The following IQCJ variants were observed in gnomAD, a reference collection of about 807,000 sequenced individuals.
The protein encoded by IQCJ is IQ motif containing J.
Under a neutral mutation model 11.0 loss-of-function variants are expected in IQCJ, and 9 were observed. The ratio of observed to expected loss-of-function variants is 0.82; its 90% CI spans 0.49 to 1.43. IQCJ has a LOEUF of 1.43. Ranked by LOEUF, IQCJ falls within the 40% of genes most tolerant of loss-of-function variation. The pLI, the probability that IQCJ is intolerant of heterozygous loss-of-function variation, is 0.00. For synonymous variants in IQCJ, 55 were observed against 51.3 expected (o/e 1.07, Z -0.31); for missense variants, 146 against 133.2 (o/e 1.10, Z -0.47).
chr3:159,241,606 A>G (rs1199336090), intron 1 of IQCJ, among the ~76,000 whole-genome samples: 1 of 152,098 alleles, frequency 6.6e-6, no homozygotes, highest in Non-Finnish European at 1.5e-5. Context: ...CCTGTCACAG[A>G]TGCAAATACT....
chr3:159,263,647 G>A lies in IQCJ; in HGVS notation c.*916G>A, dbSNP rs1728342343. 13 of 985,154 alleles carry A rather than the reference G, an allele frequency of 1.3e-5. No homozygotes were observed. Among genetic ancestry groups the A allele is most frequent in the East Asian group, 1.1e-4 (1 of 8,822 alleles). 61.0% of individuals were successfully genotyped at this position (985,154 alleles called of 1,614,324 possible). Reference sequence around the variant, plus strand: ...TATCATGTTTATTCTGTGGTAAAAAGGTTTCCCAACACTCAACGCAATGTA... The same window carrying A: ...TATCATGTTTATTCTGTGGTAAAAAAGTTTCCCAACACTCAACGCAATGTA... On this transcript the variant is annotated 3_prime_UTR_variant, in exon 4 of 4. Coordinates refer to ENST00000397832, the MANE Select transcript of IQCJ (RefSeq NM_001042706.3).
chr3:159,256,393 TAGCA>T (rs1727898458), intron 3 of IQCJ, among the ~76,000 whole-genome samples: 1 of 152,000 alleles, frequency 6.6e-6, no homozygotes, highest in Admixed American at 6.6e-5. Context: ...CAGAGAGAGA[TAGCA>T]TTCCCAAAAG....
At chr3:159,072,056 T>C (rs1429994453) in intron 1 of IQCJ, among the ~76,000 whole-genome samples, 3 of 152,228 alleles carry the variant, frequency 2.0e-5, no homozygotes, top group Admixed American at 6.5e-5. Context: ...GCTTCTAGCT[T>C]TGGGACAAAA....
intron 1 of IQCJ, 103 bp downstream of exon 1, chr3:159,069,544 A>C (rs1715395977): frequency 9.4e-6 from 14 of 1,489,876 alleles, no homozygotes; most frequent in African/African-American, 2.8e-5. Flanking sequence ...GTATGCAAAA[A>C]ATGTCAAAAA....
At chr3:159,202,348 C>T (rs1320694115) in intron 1 of IQCJ, among the ~76,000 whole-genome samples, 1 of 152,172 alleles carries the variant, frequency 6.6e-6, no homozygotes, top group African/African-American at 2.4e-5. Flanking sequence ...AAACACAAAA[C>T]TCAGGGCCAG....
chr3:159,256,030 G>T (rs1727874726), intron 3 of IQCJ, among the ~76,000 whole-genome samples: 1 of 152,212 alleles, frequency 6.6e-6, no homozygotes, highest in Non-Finnish European at 1.5e-5. Context: ...ACAGGCAGAG[G>T]TGGGCTCCCC....
chr3:159,209,477 A>G (rs1724830327), intron 1 of IQCJ, among the ~76,000 whole-genome samples: 1 of 152,026 alleles, frequency 6.6e-6, no homozygotes, highest in African/African-American at 2.4e-5. Context: ...GCTGGAGGAG[A>G]AGCCAGGTAC....
rs138860565 is a variant in IQCJ, at chr3:159,095,060, G to T, written c.9+25619G>T. Among the ~76,000 whole-genome samples, 237 of 151,816 alleles carry T rather than the reference G, an allele frequency of 1.6e-3. 10 individuals are homozygous for T. Among genetic ancestry groups the T allele is most frequent in the African/African-American group, 5.4e-3 (222 of 41,184 alleles). ...TAGTTCTTGGTGCAGCAAGGACACTGGTTGCCACATATTTTGAATATCTCT... is the reference window on the plus strand; with the variant it reads ...TAGTTCTTGGTGCAGCAAGGACACTTGTTGCCACATATTTTGAATATCTCT... On this transcript the variant is annotated intron_variant, in intron 1 of 3. Coordinates refer to ENST00000397832, the MANE Select transcript of IQCJ (RefSeq NM_001042706.3).
At chr3:159,260,466 G>A (rs1728137343) in intron 3 of IQCJ, among the ~76,000 whole-genome samples, 1 of 152,146 alleles carries the variant, frequency 6.6e-6, no homozygotes, top group Non-Finnish European at 1.5e-5. Context: ...CTCTTGACGG[G>A]CAGGTTTAGA....
intron 1 of IQCJ, among the ~76,000 whole-genome samples, chr3:159,176,029 C>T (rs549426419): frequency 9.2e-5 from 14 of 152,172 alleles, no homozygotes; most frequent in Non-Finnish European, 1.5e-4. Flanking sequence ...ATTTCCCTAA[C>T]GAATGATGCT....
At chr3:159,091,455 G>T (rs1008535408) in intron 1 of IQCJ, among the ~76,000 whole-genome samples, 3 of 151,478 alleles carry the variant, frequency 2.0e-5, no homozygotes, top group Non-Finnish European at 4.4e-5. Flanking sequence ...TGGTATTAAT[G>T]GCACTAATCC....
chr3:159,184,210 T>C (rs1049723660), intron 1 of IQCJ, among the ~76,000 whole-genome samples: 3 of 152,108 alleles, frequency 2.0e-5, no homozygotes, highest in Non-Finnish European at 4.4e-5. Flanking sequence ...TTGCCTTCTT[T>C]ATATTACTAA....
At chr3:159,195,148 A>T (rs908815016) in intron 1 of IQCJ, among the ~76,000 whole-genome samples, 1 of 151,758 alleles carries the variant, frequency 6.6e-6, no homozygotes, top group African/African-American at 2.4e-5. Context: ...GCACGTTTCC[A>T]TATCTATAAA....
At chr3:159,111,406 A>AG (rs1368069261) in intron 1 of IQCJ, among the ~76,000 whole-genome samples, 3 of 152,292 alleles carry the variant, frequency 2.0e-5, no homozygotes, top group African/African-American at 7.2e-5. Flanking sequence ...TGAAAAAAAA[A>AG]CTTGAAATAA....
At chr3:159,091,247 A>T (rs1340411632) in intron 1 of IQCJ, among the ~76,000 whole-genome samples, 1 of 151,814 alleles carries the variant, frequency 6.6e-6, no homozygotes, top group East Asian at 1.9e-4. Context: ...TTAACAGCAA[A>T]TAACATAGAC....
chr3:159,205,839 A>G (rs1038050638), intron 1 of IQCJ, among the ~76,000 whole-genome samples: 1 of 152,174 alleles, frequency 6.6e-6, no homozygotes, highest in African/African-American at 2.4e-5. Context: ...CTTCCAAATT[A>G]TAAAATGCTT....
intron 2 of IQCJ, 32 bp downstream of exon 2, chr3:159,245,939 C>A: frequency 6.8e-7 from 1 of 1,471,536 alleles, no homozygotes; most frequent in Admixed American, 2.1e-5. Flanking sequence ...AAATCATCTG[C>A]AAGGTTGGAA....
intron 3 of IQCJ, among the ~76,000 whole-genome samples, chr3:159,258,321 T>C (rs1029822880): frequency 9.2e-5 from 14 of 152,148 alleles, no homozygotes; most frequent in African/African-American, 2.9e-4. Context: ...GAACCATGTG[T>C]GCATCTCCAA....
At chr3:159,188,937 C>A (rs1284484138) in intron 1 of IQCJ, among the ~76,000 whole-genome samples, 1 of 152,082 alleles carries the variant, frequency 6.6e-6, no homozygotes, top group Admixed American at 6.5e-5. Context: ...AATCTGAAGC[C>A]AGAGGGGACA....
Sources: allele counts gnomAD v4.1 joint callset (sites outside exome capture counted in the v4.1 genomes callset), GRCh38; gene constraint gnomAD v4.1.1; transcripts MANE v1.5; gene names NCBI Gene and HGNC (gene_info 2026-07-23, HGNC 2026-07-21).